The following REST variants were observed in gnomAD, a reference collection of about 807,000 sequenced individuals.
REST encodes the protein RE1-silencing transcription factor.
REST carries 1 observed loss-of-function variant against 30.4 expected under a neutral mutation model. The observed-to-expected ratio is 0.03, with a 90% CI of 0.01 to 0.16. The LOEUF is 0.16. Ranked by LOEUF, REST falls within the 10% of genes least tolerant of loss-of-function variation. The probability of loss-of-function intolerance (pLI) is 1.00; values close to 1 mark genes in which losing one functional copy is unlikely to be tolerated. For missense variants in REST, 1,259 were observed against 1,329.5 expected, an observed-to-expected ratio of 0.95 and a Z score of 0.82; for synonymous variants, 504 against 451.1, an observed-to-expected ratio of 1.12 and a Z score of -1.49.
In REST at chr4:56,931,709, A is replaced by T. The variant is rs199520565; in HGVS notation, c.2851A>T (p.Thr951Ser). Residue 951 changes from threonine (T) to serine (S), a missense_variant, in exon 4 of 4, where the codon ACT becomes TCT. Transcript: ENST00000309042. The stretch of plus-strand genomic sequence containing the variant: ...TATAGTTTGTGAAATGAAAATGGAC[A>T]CTGATCAGAACACAAGAGAGAATCT... ...DSIVCEMKMD[T>S]DQNTRENLTG... 5.0e-6 allele frequency: 8 copies of T among 1,614,182 alleles called. No homozygotes were observed. The highest frequency in any genetic ancestry group is 6.8e-6 in the Non-Finnish European group (8 of 1,179,990).
chr4:56,915,220 T>TGTG (rs1720136222), intron 2 of REST, among the ~76,000 whole-genome samples: 1 of 109,092 alleles, frequency 9.2e-6, no homozygotes, highest in African/African-American at 3.3e-5. Context: ...CTGGCCAATT[T>TGTG]TGTGTGTGTG....
chr4:56,908,534 C>T (rs1401090804), intron 1 of REST, among the ~76,000 whole-genome samples: 1 of 152,004 alleles, frequency 6.6e-6, no homozygotes, highest in Non-Finnish European at 1.5e-5. Context: ...CCTTTGAGGC[C>T]AAGGAGCGGA....
Position 56,935,536 on chromosome 4 carries a change from A to G in REST, c.*3384A>G, listed in dbSNP as rs1721119099. On this transcript the variant is annotated 3_prime_UTR_variant, in exon 4 of 4. Transcript: ENST00000309042. ...TCTAAACTGGCATTGAAACATTACA[A>G]CAATGTTTTGTTGCACCAATTTTAT... 6.6e-6 allele frequency: 1 copy of G among 152,242 alleles called. No homozygotes were observed. The highest frequency in any genetic ancestry group is 2.4e-5 in the African/African-American group (1 of 41,470). 9.4% of individuals were successfully genotyped at this position (152,242 alleles called of 1,614,324 possible).
chr4:56,922,789 A>G (rs1720515201), intron 3 of REST, among the ~76,000 whole-genome samples: 1 of 152,112 alleles, frequency 6.6e-6, no homozygotes, highest in South Asian at 2.1e-4. Flanking sequence ...GGTGTCATTT[A>G]GCTTTTCTTC....
At chr4:56,924,940 C>T (rs1014350284) in intron 3 of REST, among the ~76,000 whole-genome samples, 10 of 151,878 alleles carry the variant, frequency 6.6e-5, no homozygotes, top group African/African-American at 1.9e-4. Flanking sequence ...CCATGGTGAG[C>T]GGATCATCGG....
chr4:56,934,299 T>G lies in REST; in HGVS notation c.*2147T>G, dbSNP rs866660640. The G allele has an allele frequency of 6.6e-6, 1 of 152,192 alleles. No homozygotes were observed. Among genetic ancestry groups the G allele is most frequent in the Non-Finnish European group, 1.5e-5 (1 of 68,036 alleles). The allele number at this position is 152,192 out of a possible 1,614,324, so 9.4% of individuals were successfully genotyped here. On this transcript the variant is annotated 3_prime_UTR_variant, in exon 4 of 4. Coordinates refer to ENST00000309042, the MANE Select transcript of REST (RefSeq NM_005612.5). ...GAAAAAGATACATCTTAAGCACAGATTGGTTATTAGGAATTAGTTTGGGGA... is the reference window on the plus strand; with the variant it reads ...GAAAAAGATACATCTTAAGCACAGAGTGGTTATTAGGAATTAGTTTGGGGA...
At position 56,911,188 on chromosome 4, in the gene REST, A is replaced by G. The variant is rs1208006031; in HGVS notation, c.550A>G (p.Lys184Glu). 2.5e-6 allele frequency: 4 copies of G among 1,614,204 alleles called. No homozygotes were observed. The highest frequency in any genetic ancestry group is 3.4e-6 in the Non-Finnish European group (4 of 1,180,030). Residue 184 changes from lysine (K) to glutamate (E), a missense_variant, in exon 2 of 4, where the codon AAG (lysine) becomes GAG (glutamate). By Grantham distance (56) the Lys-to-Glu change is moderately conservative. Transcript: ENST00000309042. ...GCATCACATCAGAGTTCACAGTGCT[A>G]AGAAATTTTTTGTGGAAGAGAGTGC... ...FVHHIRVHSAKKFFVEESAEK... is the reference protein window; with the variant it reads ...FVHHIRVHSAEKFFVEESAEK...
At position 56,931,782 on chromosome 4, in the gene REST, C is replaced by T. The variant is rs766383284; in HGVS notation, c.2924C>T (p.Pro975Leu). ...TVEEPVSPMLPPSAVEEREAV... is the reference protein window; with the variant it reads ...TVEEPVSPMLLPSAVEEREAV... ...GAAGAACCAGTTTCACCAATGCTTCCCCCTTCAGCAGTAGAAGAACGTGAA... is the reference window on the plus strand; with the variant it reads ...GAAGAACCAGTTTCACCAATGCTTCTCCCTTCAGCAGTAGAAGAACGTGAA... Residue 975 changes from proline (P) to leucine (L), a missense_variant, in exon 4 of 4, where the codon CCC becomes CTC. Around this residue, in one of 5 missense-constraint regions of REST, gnomAD observed 856 missense variants for 772.8 expected, o/e 1.11. Transcript: ENST00000309042. 6.2e-7 allele frequency: 1 copy of T among 1,614,200 alleles called. No individual in the cohort carries two copies.
chr4:56,915,154 C>A (rs1236082953), intron 2 of REST, among the ~76,000 whole-genome samples: 1 of 151,072 alleles, frequency 6.6e-6, no homozygotes, highest in Non-Finnish European at 1.5e-5. Context: ...AACTCCCGGC[C>A]TCAAGTGATC....
chr4:56,927,950 A>G, intron 3 of REST, among the ~76,000 whole-genome samples: 1 of 152,244 alleles, frequency 6.6e-6, no homozygotes, highest in Non-Finnish European at 1.5e-5. Context: ...CATGACGGAC[A>G]GAAGGATTAA....
chr4:56,930,397 C>A lies in REST; in HGVS notation c.1539C>A (p.Phe513Leu). Reference sequence around the variant, plus strand: ...ATACAGGAAGCAATTCAGAAAAATTCAGTAAAACTAAGAAAAGCAAAAGGA... The same window carrying A: ...ATACAGGAAGCAATTCAGAAAAATTAAGTAAAACTAAGAAAAGCAAAAGGA... ...DVHTGSNSEK[F>L]SKTKKSKRKL... Residue 513 changes from phenylalanine to leucine, a missense_variant, in exon 4 of 4, where the codon TTC (phenylalanine) becomes TTA (leucine). Phe to Leu is a conservative substitution (Grantham distance 22). Coordinates refer to ENST00000309042, the MANE Select transcript of REST (RefSeq NM_005612.5). 6.2e-7 allele frequency: 1 copy of A among 1,613,824 alleles called. No homozygotes were observed. The highest frequency in any genetic ancestry group is 8.5e-7 in the Non-Finnish European group (1 of 1,179,976).
chr4:56,934,190 A>T lies in REST; in HGVS notation c.*2038A>T, dbSNP rs1721072407. The T allele has an allele frequency of 6.6e-6, 1 of 152,258 alleles. No individual in the cohort carries two copies. The highest frequency in any genetic ancestry group is 6.5e-5 in the Admixed American group (1 of 15,280). 9.4% of individuals were successfully genotyped at this position (152,258 alleles called of 1,614,324 possible). A position where few individuals can be genotyped will look rare whatever the true frequency, so the allele number is the denominator to read the frequency against. ...CAAATATTTATGTTTTAAAACTTAAATTATAAAGCTAGTTAAGTCTTTCTA... is the reference window on the plus strand; with the variant it reads ...CAAATATTTATGTTTTAAAACTTAATTTATAAAGCTAGTTAAGTCTTTCTA... On this transcript the variant is annotated 3_prime_UTR_variant, in exon 4 of 4. Transcript: ENST00000309042.
At chr4:56,918,975 C>T (rs1720325337) in intron 2 of REST, among the ~76,000 whole-genome samples, 1 of 151,162 alleles carries the variant, frequency 6.6e-6, no homozygotes, top group East Asian at 1.9e-4. Flanking sequence ...CCATGCTCAG[C>T]CCAGGCTATT....
chr4:56,920,248 T>C (rs1720386587), intron 3 of REST, among the ~76,000 whole-genome samples: 2 of 151,972 alleles, frequency 1.3e-5, no homozygotes, highest in Non-Finnish European at 2.9e-5. Flanking sequence ...TTGACAAGTG[T>C]CAGGGATTCC....
At chr4:56,919,677 A>G (rs1720361818) in intron 2 of REST, 110 bp from the exon 3 acceptor site, 1 of 529,644 alleles carries the variant, frequency 1.9e-6, no homozygotes, top group Non-Finnish European at 3.2e-6. Flanking sequence ...TAGGAAAAAA[A>G]AATTCTTGTT....
intron 3 of REST, among the ~76,000 whole-genome samples, chr4:56,924,278 T>C (rs1720580608): frequency 6.6e-6 from 1 of 152,220 alleles, no homozygotes. Context: ...TTAAAAACTA[T>C]TTTATTGAGA....
intron 3 of REST, among the ~76,000 whole-genome samples, chr4:56,922,102 T>C (rs956188863): frequency 1.3e-5 from 2 of 152,120 alleles, no homozygotes; most frequent in Non-Finnish European, 2.9e-5. Context: ...GTTTTTTTCC[T>C]AAATCTAAGC....
At chr4:56,915,539 A>T (rs1029170776) in intron 2 of REST, among the ~76,000 whole-genome samples, 3 of 152,110 alleles carry the variant, frequency 2.0e-5, no homozygotes, top group Non-Finnish European at 2.9e-5. Flanking sequence ...TGAGCCACCA[A>T]ACCTGGCCTT....
At chr4:56,918,146 A>G (rs974177066) in intron 2 of REST, among the ~76,000 whole-genome samples, 4 of 150,976 alleles carry the variant, frequency 2.6e-5, no homozygotes, top group African/African-American at 9.9e-5. Context: ...CTTCAGTATT[A>G]AATCACTGGC....
Sources: gnomAD v4.1 joint callset for allele counts (sites outside exome capture counted in the v4.1 genomes callset) on GRCh38, gnomAD v4.1.1 for gene constraint, gnomAD v4.1.1 regional missense constraint, MANE v1.5 for transcripts, NCBI Gene and HGNC (gene_info 2026-07-23, HGNC 2026-07-21) for gene names.